The following GXYLT2 variants were observed in gnomAD, a reference collection of about 807,000 sequenced individuals.
The protein encoded by GXYLT2 is glycosyltransferase 8 domain containing 4.
Under a neutral mutation model 45.8 loss-of-function variants are expected in GXYLT2, and 53 were observed. The ratio of observed to expected loss-of-function variants is 1.16; its 90% CI spans 0.93 to 1.46. The LOEUF is 1.46. Among genes scored for constraint, GXYLT2 ranks in the 40% most tolerant of loss-of-function variants. GXYLT2 has a pLI of 0.00. For synonymous variants in GXYLT2, 219 were observed against 214.2 expected (o/e 1.02, Z -0.19); for missense variants, 551 against 544.4 (o/e 1.01, Z -0.12).
intron 5 of GXYLT2, among the ~76,000 whole-genome samples, chr3:72,958,311 T>C (rs1710689883): frequency 6.6e-6 from 1 of 151,902 alleles, no homozygotes; most frequent in Non-Finnish European, 1.5e-5. Context: ...GTTTTCTTCT[T>C]GAGAGAGATC....
At chr3:72,950,487 T>C (rs933725126) in intron 3 of GXYLT2, among the ~76,000 whole-genome samples, 8 of 151,952 alleles carry the variant, frequency 5.3e-5, no homozygotes, top group African/African-American at 1.7e-4. Flanking sequence ...AAAAATTAGC[T>C]GGCCGCGGTA....
At chr3:72,946,726 G>A (rs1710419026) in intron 3 of GXYLT2, among the ~76,000 whole-genome samples, 1 of 152,114 alleles carries the variant, frequency 6.6e-6, no homozygotes, top group Non-Finnish European at 1.5e-5. Flanking sequence ...CCATCACCTT[G>A]TGGGTTAAGA....
intron 1 of GXYLT2, among the ~76,000 whole-genome samples, chr3:72,900,236 A>G (rs1709378213): frequency 6.6e-6 from 1 of 152,184 alleles, no homozygotes; most frequent in African/African-American, 2.4e-5. Flanking sequence ...TGAGACTTTT[A>G]AGCGATTAAG....
At chr3:72,915,751 T>G (rs1010119711) in intron 2 of GXYLT2, among the ~76,000 whole-genome samples, 17 of 151,796 alleles carry the variant, frequency 1.1e-4, no homozygotes, top group African/African-American at 4.1e-4. Flanking sequence ...CAGAATTGCT[T>G]GAACCTAGGA....
At chr3:72,889,363 C>G (rs1335176809) in intron 1 of GXYLT2, among the ~76,000 whole-genome samples, 3 of 152,178 alleles carry the variant, frequency 2.0e-5, no homozygotes, top group Non-Finnish European at 4.4e-5. Context: ...TTGCAACGTC[C>G]TTGTTTGCTG....
At chr3:72,933,846 A>T (rs937436920) in intron 3 of GXYLT2, among the ~76,000 whole-genome samples, 1 of 152,042 alleles carries the variant, frequency 6.6e-6, no homozygotes, top group Admixed American at 6.6e-5. Context: ...GAGGCTGCAG[A>T]TGAGCTGTGA....
chr3:72,913,034 T>G (rs1444423910), intron 2 of GXYLT2, among the ~76,000 whole-genome samples: 5 of 149,360 alleles, frequency 3.3e-5, no homozygotes, highest in African/African-American at 7.6e-5. Flanking sequence ...GTTTTTTTTT[T>G]GTTTTTTTTT....
chr3:72,970,510 GA>G (rs1710967294), intron 6 of GXYLT2, among the ~76,000 whole-genome samples: 1 of 151,746 alleles, frequency 6.6e-6, no homozygotes, highest in Non-Finnish European at 1.5e-5. Flanking sequence ...GAAAATAAAT[GA>G]AAAAAAGAAA....
At chr3:72,899,960 G>A (rs926367061) in intron 1 of GXYLT2, among the ~76,000 whole-genome samples, 1 of 152,132 alleles carries the variant, frequency 6.6e-6, no homozygotes, top group Non-Finnish European at 1.5e-5. Context: ...TGAAAGAAGT[G>A]CGATTTTCCA....
chr3:72,971,505 T>C (rs1710984868), intron 6 of GXYLT2, among the ~76,000 whole-genome samples: 1 of 152,228 alleles, frequency 6.6e-6, no homozygotes, highest in Non-Finnish European at 1.5e-5. Context: ...TGCCATTAAC[T>C]GTGCCCTTAC....
intron 3 of GXYLT2, among the ~76,000 whole-genome samples, chr3:72,931,449 T>C (rs1360876360): frequency 6.6e-6 from 1 of 152,030 alleles, no homozygotes; most frequent in Admixed American, 6.6e-5. Flanking sequence ...CAGGATGGTC[T>C]CGATCTCCTG....
At chr3:72,930,951 GAAC>G (rs1420365684) in intron 3 of GXYLT2, among the ~76,000 whole-genome samples, 4 of 152,070 alleles carry the variant, frequency 2.6e-5, no homozygotes, top group African/African-American at 9.7e-5. Context: ...GGAAATAGAA[GAAC>G]AACACCATAA....
chr3:72,907,757 A>G (rs1174001134), intron 1 of GXYLT2, among the ~76,000 whole-genome samples: 1 of 152,084 alleles, frequency 6.6e-6, no homozygotes. Context: ...CCACCTCACC[A>G]GTATTGGCGA....
chr3:72,921,754 T>C (rs914038917), intron 2 of GXYLT2, among the ~76,000 whole-genome samples: 14 of 152,198 alleles, frequency 9.2e-5, no homozygotes, highest in African/African-American at 3.1e-4. Flanking sequence ...TATTTTATTA[T>C]ATAGTTCTGT....
chr3:72,906,776 C>T (rs777098296), intron 1 of GXYLT2, among the ~76,000 whole-genome samples: 30 of 152,180 alleles, frequency 2.0e-4, no homozygotes, highest in Non-Finnish European at 3.4e-4. Context: ...GTGTGGTCAC[C>T]TGCACTGGAA....
intron 6 of GXYLT2, among the ~76,000 whole-genome samples, chr3:72,968,154 A>G (rs1710904735): frequency 6.6e-6 from 1 of 152,064 alleles, no homozygotes; most frequent in African/African-American, 2.4e-5. Flanking sequence ...TTGTATTTTT[A>G]GTAGAGATGG....
intron 5 of GXYLT2, among the ~76,000 whole-genome samples, chr3:72,961,066 G>A (rs906912018): frequency 3.3e-5 from 5 of 152,204 alleles, no homozygotes; most frequent in Non-Finnish European, 7.3e-5. Context: ...GTAAATGCCT[G>A]TGGGTGCATA....
intron 3 of GXYLT2, among the ~76,000 whole-genome samples, chr3:72,938,452 C>G (rs1418167357): frequency 6.6e-6 from 1 of 152,214 alleles, no homozygotes; most frequent in Non-Finnish European, 1.5e-5. Flanking sequence ...GAAAATCAGT[C>G]TAATTTGAGT....
intron 5 of GXYLT2, among the ~76,000 whole-genome samples, chr3:72,966,498 G>A (rs1039374458): frequency 2.4e-4 from 27 of 112,968 alleles, no homozygotes; most frequent in African/African-American, 7.7e-4. Context: ...ATCTCACTCC[G>A]TCACAGGCTA....
Sources: allele counts gnomAD v4.1 joint callset (sites outside exome capture counted in the v4.1 genomes callset), GRCh38; gene constraint gnomAD v4.1.1; transcripts MANE v1.5; gene names NCBI Gene and HGNC (gene_info 2026-07-23, HGNC 2026-07-21).